Variants in SLC39A14 observed in about 807,000 individuals in gnomAD.
The protein encoded by SLC39A14 is metal cation symporter ZIP14.
A neutral mutation model predicts 45.5 loss-of-function variants in SLC39A14; 19 were observed. That is an observed-to-expected ratio of 0.42 (90% CI 0.29 to 0.61). The LOEUF is 0.61. Among genes scored for constraint, SLC39A14 ranks in the 20% least tolerant of loss-of-function variants. SLC39A14 has a pLI of 0.22. For missense variants in SLC39A14, 447 were observed against 616.5 expected, an observed-to-expected ratio of 0.73 and a Z score of 2.91; for synonymous variants, 264 against 251.3, an observed-to-expected ratio of 1.05 and a Z score of -0.48.
In SLC39A14 at chr8:22,422,005, G is replaced by A. The variant is rs1320493655; in HGVS notation, c.*2307G>A. 17 of 985,322 alleles carry A rather than the reference G, an allele frequency of 1.7e-5. No homozygotes were observed. Among genetic ancestry groups the A allele is most frequent in the Non-Finnish European group, 1.6e-5 (13 of 829,930 alleles). 61.0% of individuals were successfully genotyped at this position (985,322 alleles called of 1,614,324 possible). ...TAGGAGGGGCGGAGACGCTCACATC[G>A]TCTGACTTGAGTCGCCACTGATTGT... On this transcript the variant is annotated 3_prime_UTR_variant, in exon 9 of 9. Coordinates refer to ENST00000381237, the MANE Select transcript of SLC39A14 (RefSeq NM_001128431.4).
Position 22,412,137 on chromosome 8 carries a change from G to C in SLC39A14, c.558G>C (p.Leu186=). ...PFMKKTFYKR[L]LLYFIALAIG... ...TGAAGAAGACCTTTTACAAGAGGCT[G>C]CTGCTCTACTTCATAGCTCTGGCGA... The change falls in exon 4 of 9, where the codon CTG becomes CTC. Residue 186 remains leucine (L), a synonymous_variant. Coordinates refer to ENST00000381237, the MANE Select transcript of SLC39A14 (RefSeq NM_001128431.4). The C allele has an allele frequency of 6.4e-7, 1 of 1,551,720 alleles. No individual in the cohort carries two copies. The highest frequency in any genetic ancestry group is 8.7e-7 in the Non-Finnish European group (1 of 1,146,988).
intron 2 of SLC39A14, among the ~76,000 whole-genome samples, chr8:22,406,941 A>G (rs956790012): frequency 1.3e-5 from 2 of 152,218 alleles, no homozygotes; most frequent in African/African-American, 4.8e-5. Flanking sequence ...AGATAAGCCC[A>G]TGTGAGACCG....
intron 1 of SLC39A14, among the ~76,000 whole-genome samples, chr8:22,385,797 G>GAGC (rs2132219342): frequency 6.6e-6 from 1 of 152,186 alleles, no homozygotes; most frequent in African/African-American, 2.4e-5. Flanking sequence ...AGGAGTTCAG[G>GAGC]AGCAGCCTGG....
At chr8:22,379,575 G>C (rs1173218029) in intron 1 of SLC39A14, 1 of 152,256 alleles carries the variant, frequency 6.6e-6, no homozygotes, top group Non-Finnish European at 1.5e-5. Context: ...TTGCAGTACA[G>C]TCAGCTCGCA....
downstream of SLC39A14, among the ~76,000 whole-genome samples, chr8:22,426,083 G>A (rs190497300): frequency 6.1e-4 from 93 of 152,092 alleles, no homozygotes; most frequent in Non-Finnish European, 9.9e-4. Context: ...GTAGAGATGA[G>A]GTTTCTCCAT....
downstream of SLC39A14, among the ~76,000 whole-genome samples, chr8:22,423,901 G>C (rs1475209356): frequency 1.3e-5 from 2 of 151,588 alleles, no homozygotes; most frequent in South Asian, 4.2e-4. Flanking sequence ...GAACTCCCAG[G>C]CTCAAGCAAT....
At chr8:22,386,752 C>G (rs1168968152) in intron 1 of SLC39A14, among the ~76,000 whole-genome samples, 1 of 152,198 alleles carries the variant, frequency 6.6e-6, no homozygotes, top group Non-Finnish European at 1.5e-5. Flanking sequence ...CCTTGTACTC[C>G]ATCCACTTTG....
chr8:22,374,175 A>T (rs1319969845), intron 1 of SLC39A14, among the ~76,000 whole-genome samples: 2 of 152,204 alleles, frequency 1.3e-5, no homozygotes, highest in Non-Finnish European at 2.9e-5. Flanking sequence ...CTCAATGGTG[A>T]CAGCAGGTGG....
At position 22,422,620 on chromosome 8, in the gene SLC39A14, T is replaced by G. The variant is rs1044073726; in HGVS notation, c.*2922T>G. On this transcript the variant is annotated 3_prime_UTR_variant, in exon 9 of 9. Coordinates refer to ENST00000381237, the MANE Select transcript of SLC39A14 (RefSeq NM_001128431.4). ...GAAATTAGAAAAGAAAATTAACTTA[T>G]GTGGACTGTAAATGTTTTATTTGTA... The G allele has an allele frequency of 2.0e-6, 2 of 982,586 alleles. No individual in the cohort carries two copies. Among genetic ancestry groups the G allele is most frequent in the African/African-American group, 3.5e-5 (2 of 57,178 alleles). 60.9% of individuals were successfully genotyped at this position (982,586 alleles called of 1,614,324 possible).
intron 1 of SLC39A14, among the ~76,000 whole-genome samples, chr8:22,384,274 T>C (rs1214005186): frequency 6.6e-6 from 1 of 152,150 alleles, no homozygotes; most frequent in African/African-American, 2.4e-5. Context: ...CCTGTACTTG[T>C]GGACTTTCCT....
chr8:22,431,521 AAAGTG>A (rs1460478599), intron 8 of SLC39A14, among the ~76,000 whole-genome samples: 4 of 152,222 alleles, frequency 2.6e-5, no homozygotes, highest in African/African-American at 9.6e-5. Context: ...TGTTAAATTA[AAAGTG>A]TTCATAATTA....
chr8:22,432,524 G>A (rs981834345), intron 8 of SLC39A14, among the ~76,000 whole-genome samples: 1 of 150,438 alleles, frequency 6.6e-6, no homozygotes, highest in African/African-American at 2.4e-5. Flanking sequence ...TGCCACCCAG[G>A]CTGTAGTGTG....
intron 1 of SLC39A14, among the ~76,000 whole-genome samples, chr8:22,371,954 A>C (rs944568089): frequency 2.6e-5 from 4 of 151,862 alleles, no homozygotes; most frequent in Non-Finnish European, 5.9e-5. Context: ...CATGTTGGCC[A>C]GGCTGGTCTC....
rs544206270 is a variant in SLC39A14 at position 22,388,789 on chromosome 8, G to A, written c.-15-15907G>A. On this transcript the variant is annotated intron_variant, in intron 1 of 8. Transcript: ENST00000381237. ...TGAGCCAGAAGAATGTGCTGTGTGGGAGGTTTGGACAGCCCGAGGGAGAAT... is the reference window on the plus strand; with the variant it reads ...TGAGCCAGAAGAATGTGCTGTGTGGAAGGTTTGGACAGCCCGAGGGAGAAT... 2.6e-5 allele frequency among the ~76,000 whole-genome samples: 4 copies of A among 152,354 alleles called. No individual in the cohort carries two copies. The South Asian group carries it at 8.3e-4, about 32-fold the overall frequency.
chr8:22,396,407 GAGAGA>G lies in SLC39A14; in HGVS notation c.-15-8288_-15-8284del, dbSNP rs1563532751. On this transcript the variant is annotated intron_variant, in intron 1 of 8. Transcript: ENST00000381237. ...AAATAGAGAGAGAGAGAGAGAGAGA[GAGAGA>G]GGGGGGGGGGAGAGAGAGAGAGAGA... Among the ~76,000 whole-genome samples, 9 of 5,884 alleles carry G rather than the reference GAGAGA, an allele frequency of 1.5e-3. No individual in the cohort carries two copies. In the African/African-American group the frequency reaches 0.018, roughly 12 times the overall value. The allele number at this position is 5,884 out of a possible 152,430, so 3.9% of individuals were successfully genotyped here. A position where few individuals can be genotyped will look rare whatever the true frequency, so the allele number is the denominator to read the frequency against.
chr8:22,405,346 C>G (rs140569362), intron 2 of SLC39A14, among the ~76,000 whole-genome samples: 4,533 of 152,268 alleles, frequency 0.03, 232 homozygotes, highest in African/African-American at 0.1. Context: ...AACCCCAACT[C>G]TACTAGAAAT....
Position 22,419,638 on chromosome 8 carries a change from G to C in SLC39A14, c.1419G>C (p.Leu473=). 1 of 1,614,126 alleles carries C rather than the reference G, an allele frequency of 6.2e-7. No homozygotes were observed. Among genetic ancestry groups the C allele is most frequent in the Non-Finnish European group, 8.5e-7 (1 of 1,180,002 alleles). The change falls in exon 9 of 9, where the codon CTG becomes CTC. Residue 473 remains leucine (L), a synonymous_variant. Coordinates refer to ENST00000381237, the MANE Select transcript of SLC39A14 (RefSeq NM_001128431.4). ...TTATCATCCAGAACCTGGGCCTCCT[G>C]ACTGGATTCACCATCATGGTGGTCC... ...IPFIIQNLGL[L]TGFTIMVVLT...
intron 1 of SLC39A14, among the ~76,000 whole-genome samples, chr8:22,395,735 G>A (rs185197198): frequency 1.4e-4 from 21 of 152,266 alleles, no homozygotes; most frequent in African/African-American, 3.8e-4. Flanking sequence ...TTATTCCTCC[G>A]TGTGGAGCAG....
downstream of SLC39A14, among the ~76,000 whole-genome samples, chr8:22,425,889 GT>G (rs549782856): frequency 5.2e-5 from 4 of 76,308 alleles, no homozygotes; most frequent in Admixed American, 1.6e-4. Flanking sequence ...GATGGTTTTT[GT>G]TTTTTTTTTG....
Sources: gnomAD v4.1 joint callset for allele counts (sites outside exome capture counted in the v4.1 genomes callset) on GRCh38, gnomAD v4.1.1 for gene constraint, MANE v1.5 for transcripts, NCBI Gene and HGNC (gene_info 2026-07-23, HGNC 2026-07-21) for gene names.